The following DNAH11 variants were observed in gnomAD, a reference collection of about 807,000 sequenced individuals.
DNAH11 encodes the protein dynein axonemal heavy chain 11, also known as axonemal beta dynein heavy chain 11.
A neutral mutation model predicts 526.0 loss-of-function variants in DNAH11; 442 were observed. The ratio of observed to expected loss-of-function variants is 0.84; its 90% CI spans 0.78 to 0.91. The LOEUF (loss-of-function observed/expected upper bound fraction) is 0.91. Among genes scored for constraint, DNAH11 ranks in the 40% least tolerant of loss-of-function variants. DNAH11 has a pLI of 0.00. For synonymous variants in DNAH11, 2,461 were observed against 1,935.9 expected (o/e 1.27, Z -7.12); for missense variants, 6,989 against 5,448.7 (o/e 1.28, Z -8.90).
At chr7:21,555,231 A>G (rs961971702) in intron 2 of DNAH11, among the ~76,000 whole-genome samples, 1 of 152,198 alleles carries the variant, frequency 6.6e-6, no homozygotes, top group Non-Finnish European at 1.5e-5. Flanking sequence ...AGGCCACAAG[A>G]CCAAAGGCTT....
intron 63 of DNAH11, among the ~76,000 whole-genome samples, chr7:21,812,370 G>A (rs1789562072): frequency 6.6e-6 from 1 of 152,124 alleles, no homozygotes; most frequent in African/African-American, 2.4e-5. Context: ...TTTCAGTAAT[G>A]GGATTAAGAA....
intron 65 of DNAH11, among the ~76,000 whole-genome samples, chr7:21,828,661 C>A (rs1393004528): frequency 6.6e-6 from 1 of 151,492 alleles, no homozygotes; most frequent in African/African-American, 2.4e-5. Context: ...GTTTTTGATG[C>A]TACATTATGA....
intron 75 of DNAH11, among the ~76,000 whole-genome samples, chr7:21,883,918 C>A (rs1784025821): frequency 6.6e-6 from 1 of 152,090 alleles, no homozygotes; most frequent in South Asian, 2.1e-4. Context: ...TGTCCTGTGC[C>A]TGTAGTCCTA....
intron 63 of DNAH11, among the ~76,000 whole-genome samples, chr7:21,815,695 G>T (rs978400240): frequency 6.6e-6 from 1 of 152,190 alleles, no homozygotes; most frequent in Non-Finnish European, 1.5e-5. Flanking sequence ...TTTCATGTAC[G>T]TAGAAAATGC....
chr7:21,644,518 A>T (rs1787263153), intron 28 of DNAH11, among the ~76,000 whole-genome samples: 1 of 152,180 alleles, frequency 6.6e-6, no homozygotes, highest in African/African-American at 2.4e-5. Context: ...AACTTTCCTA[A>T]AGGAAGTAGA....
chr7:21,658,033 A>G (rs1364315289), intron 29 of DNAH11, among the ~76,000 whole-genome samples: 1 of 152,158 alleles, frequency 6.6e-6, no homozygotes, highest in Non-Finnish European at 1.5e-5. Flanking sequence ...CAAATAATAT[A>G]TGTATCACTT....
At chr7:21,632,794 C>A (rs956539587) in intron 25 of DNAH11, among the ~76,000 whole-genome samples, 1 of 152,182 alleles carries the variant, frequency 6.6e-6, no homozygotes, top group Non-Finnish European at 1.5e-5. Context: ...CCAAACTGTT[C>A]CAACCTCTGC....
chr7:21,873,410 A>G lies in DNAH11; in HGVS notation c.12104A>G (p.Gln4035Arg), dbSNP rs1562596635. Residue 4035 changes from glutamine to arginine, a missense_variant, in exon 74 of 82, where the codon CAA (glutamine) becomes CGA (arginine). Gln to Arg is a conservative substitution (Grantham distance 43). Coordinates refer to ENST00000409508, the MANE Select transcript of DNAH11 (RefSeq NM_001277115.2). ...ACACCAGATGAGCATATCATCCCTC[A>G]AGGACTCCTGGAAAATTCCATTAAG... The part of the protein sequence containing the change: ...APTPDEHIIP[Q>R]GLLENSIKIT... 1 of 1,613,874 alleles carries G rather than the reference A, an allele frequency of 6.2e-7. No homozygotes were observed. The highest frequency in any genetic ancestry group is 2.2e-5 in the East Asian group (1 of 44,888).
At chr7:21,587,815 G>T (rs1273235441) in intron 9 of DNAH11, among the ~76,000 whole-genome samples, 1 of 152,088 alleles carries the variant, frequency 6.6e-6, no homozygotes, top group South Asian at 2.1e-4. Context: ...AGCTGTGAAC[G>T]GAAATTGCAG....
intron 54 of DNAH11, among the ~76,000 whole-genome samples, chr7:21,755,920 T>A (rs1786613236): frequency 6.6e-6 from 1 of 152,190 alleles, no homozygotes; most frequent in Non-Finnish European, 1.5e-5. Context: ...TTGCTGTAAC[T>A]TCTTATTGTT....
In DNAH11 at chr7:21,866,479, G is replaced by T. The variant is rs767109418; in HGVS notation, c.11506G>T (p.Val3836Phe). ...CCCTATCATATTACAGGCAATTGCC[G>T]TCATGGAAGAATTTCGAGGCATAGA... ...QSWSAIKAIA[V>F]MEEFRGIDRD... is the part of the protein sequence containing the mutation. The change falls in exon 71 of 82, where the codon GTC (valine) becomes TTC (phenylalanine). Residue 3836 changes from valine (V) to phenylalanine (F), a missense_variant. Val to Phe is a conservative substitution (Grantham distance 50). Coordinates refer to ENST00000409508, the MANE Select transcript of DNAH11 (RefSeq NM_001277115.2). The T allele has an allele frequency of 1.2e-6, 2 of 1,610,192 alleles. No homozygotes were observed. Among genetic ancestry groups the T allele is most frequent in the Non-Finnish European group, 8.5e-7 (1 of 1,178,592 alleles).
intron 67 of DNAH11, among the ~76,000 whole-genome samples, chr7:21,853,683 T>C (rs1169973547): frequency 6.6e-6 from 1 of 152,192 alleles, no homozygotes; most frequent in East Asian, 1.9e-4. Context: ...ATTTGAGCCT[T>C]GGGTAAAACT....
chr7:21,852,331 C>T (rs1049179107), intron 66 of DNAH11, 136 bp from the exon 67 acceptor site: 1 of 798,400 alleles, frequency 1.3e-6, no homozygotes, highest in Non-Finnish European at 1.8e-6. Context: ...CGCTTTAACC[C>T]AGGAGGCACA....
Position 21,711,792 on chromosome 7 carries a change from C to G in DNAH11, c.6915C>G (p.Ser2305Arg). 1 of 1,613,868 alleles carries G rather than the reference C, an allele frequency of 6.2e-7. No individual in the cohort carries two copies. The highest frequency in any genetic ancestry group is 8.5e-7 in the Non-Finnish European group (1 of 1,179,824). Residue 2305 changes from serine to arginine, a missense_variant, in exon 42 of 82, where the codon AGC (serine) becomes AGG (arginine). Physicochemically the swap from Ser to Arg is moderately radical, Grantham distance 110. Coordinates refer to ENST00000409508, the MANE Select transcript of DNAH11 (RefSeq NM_001277115.2). The stretch of plus-strand genomic sequence containing the variant: ...TGTTTGAGATACATCACTTAAGGAG[C>G]GCAACCCCGGCCACTGTTTCCAGAG... ...RLLFEIHHLR[S>R]ATPATVSRAG...
In DNAH11 at chr7:21,852,877, T is replaced by C. The variant is rs2074327; in HGVS notation, c.11061+246T>C. 0.14 allele frequency among the ~76,000 whole-genome samples: 21,570 copies of C among 152,212 alleles called. 2,919 individuals are homozygous for C. Among genetic ancestry groups the C allele is most frequent in the African/African-American group, 0.35 (14,414 of 41,478 alleles). ...GACACTGTCCGGCTATTATTTTTCC[T>C]GGGTGACCAAATGTGAAGAAAAGCT... On this transcript the variant is annotated intron_variant, in intron 67 of 81. Coordinates refer to ENST00000409508, the MANE Select transcript of DNAH11 (RefSeq NM_001277115.2).
intron 9 of DNAH11, among the ~76,000 whole-genome samples, chr7:21,585,807 T>G (rs1784462660): frequency 6.6e-6 from 1 of 152,166 alleles, no homozygotes; most frequent in Non-Finnish European, 1.5e-5. Flanking sequence ...TATGAAAAAC[T>G]GTATTATGCA....
chr7:21,734,221 A>T (rs1421834470), intron 45 of DNAH11, among the ~76,000 whole-genome samples: 1 of 152,214 alleles, frequency 6.6e-6, no homozygotes, highest in Non-Finnish European at 1.5e-5. Context: ...CCTCTGAAAT[A>T]AAAATAACAA....
chr7:21,702,882 G>T, intron 37 of DNAH11, 80 bp downstream of exon 37: 1 of 1,227,240 alleles, frequency 8.1e-7, no homozygotes, highest in South Asian at 1.4e-5. Flanking sequence ...CTGGATGGTG[G>T]GGCATGGACA....
At position 21,619,100 on chromosome 7, in the gene DNAH11, G is replaced by A. The variant is rs372745542; in HGVS notation, c.4255G>A (p.Val1419Ile). The part of the protein sequence containing the change: ...HWHQLMKAIG[V>I]KFLINEATTL... ...GTCTAACTTTTTTTCCCCCAATCAG[G>A]TCAAGTTTTTAATAAATGAAGCCAC... Residue 1419 changes from valine (V) to isoleucine (I), a missense_variant and splice_region_variant, in exon 24 of 82, where the codon GTC (valine) becomes ATC (isoleucine). By Grantham distance (29) the Val-to-Ile change is conservative. Coordinates refer to ENST00000409508, the MANE Select transcript of DNAH11 (RefSeq NM_001277115.2). 1.9e-6 allele frequency: 3 copies of A among 1,613,296 alleles called. No individual in the cohort carries two copies. Among genetic ancestry groups the A allele is most frequent in the African/African-American group, 1.3e-5 (1 of 74,878 alleles).
Sources: allele counts gnomAD v4.1 joint callset (sites outside exome capture counted in the v4.1 genomes callset), GRCh38; gene constraint gnomAD v4.1.1; transcripts MANE v1.5; gene names NCBI Gene and HGNC (gene_info 2026-07-23, HGNC 2026-07-21).